The following DIAPH2 variants were observed in gnomAD, a reference collection of about 807,000 sequenced individuals.
DIAPH2 encodes the protein diaphanous related formin 2, also known as protein diaphanous homolog 2.
A neutral mutation model predicts 92.7 loss-of-function variants in DIAPH2; 35 were observed. The ratio of observed to expected loss-of-function variants is 0.38; its 90% CI spans 0.29 to 0.50. The LOEUF (loss-of-function observed/expected upper bound fraction) is 0.50. DIAPH2 is among the 20% of genes least tolerant of loss of function. The pLI, the probability that DIAPH2 is intolerant of heterozygous loss-of-function variation, is 0.94. For synonymous variants in DIAPH2, 301 were observed against 280.4 expected (o/e 1.07, Z -0.73); for missense variants, 701 against 819.5 (o/e 0.86, Z 1.77).
chrX:97,386,380 C>T (rs1053574586), intron 25 of DIAPH2, among the ~76,000 whole-genome samples: 5 of 111,644 alleles, frequency 4.5e-5, no homozygotes, highest in Non-Finnish European at 9.4e-5. Flanking sequence ...TAGAAAAGTT[C>T]TGAAAGTGGC....
chrX:97,591,678 A>G (rs1251593096), intron 26 of DIAPH2, among the ~76,000 whole-genome samples: 3 of 112,317 alleles, frequency 2.7e-5, no homozygotes, highest in East Asian at 5.6e-4. Flanking sequence ...TATGTTTCAC[A>G]TATATAACTT....
intron 22 of DIAPH2, among the ~76,000 whole-genome samples, chrX:97,243,379 G>A (rs1418050508): frequency 1.8e-5 from 2 of 109,976 alleles, no homozygotes; most frequent in Non-Finnish European, 3.8e-5. Flanking sequence ...CTTAGGCTAT[G>A]TTTTGCAGGG....
At chrX:97,302,211 C>CAAAA (rs35039257) in intron 23 of DIAPH2, among the ~76,000 whole-genome samples, 10 of 26,687 alleles carry the variant, frequency 3.7e-4, no homozygotes, top group Non-Finnish European at 4.5e-4. Context: ...GACTCCATCT[C>CAAAA]AAAAAAAAAA....
At chrX:97,071,846 T>G (rs2066671480) in intron 17 of DIAPH2, among the ~76,000 whole-genome samples, 1 of 111,721 alleles carries the variant, frequency 9.0e-6, no homozygotes. Flanking sequence ...TGAATTAAAA[T>G]AATATCATTA....
At chrX:97,496,709 G>C (rs1156429817) in intron 26 of DIAPH2, among the ~76,000 whole-genome samples, 5 of 98,407 alleles carry the variant, frequency 5.1e-5, no homozygotes, top group African/African-American at 1.9e-4. Context: ...ACCAAGGGGG[G>C]AGTGCCATAG....
At chrX:97,209,723 G>C (rs2067824872) in intron 22 of DIAPH2, among the ~76,000 whole-genome samples, 1 of 110,306 alleles carries the variant, frequency 9.1e-6, no homozygotes. Flanking sequence ...AAATAGTAAG[G>C]TACTTATTCT....
chrX:96,954,965 G>A (rs2065800861), intron 15 of DIAPH2, among the ~76,000 whole-genome samples: 1 of 112,262 alleles, frequency 8.9e-6, no homozygotes, highest in East Asian at 2.8e-4. Flanking sequence ...AATCTAACTG[G>A]CCCAAGCCAT....
chrX:97,073,034 A>C lies in DIAPH2; in HGVS notation c.2144A>C (p.Gln715Pro), dbSNP rs746298247. Reference sequence around the variant, plus strand: ...AGAATTTTGGATCCCAAAACAGCTCAGAATCTGTGTATGTAATATTTTCTT... The same window carrying C: ...AGAATTTTGGATCCCAAAACAGCTCCGAATCTGTGTATGTAATATTTTCTT... ...ELRILDPKTA[Q>P]NLSIFLGSYR... The change falls in exon 18 of 27, where the codon CAG becomes CCG. Residue 715 changes from glutamine to proline, a missense_variant. By Grantham distance (76) the Gln-to-Pro change is moderately conservative. Transcript: ENST00000324765. 8.5e-7 allele frequency: 1 copy of C among 1,178,885 alleles called. No individual in the cohort carries two copies. Among genetic ancestry groups the C allele is most frequent in the Admixed American group, 2.3e-5 (1 of 43,743 alleles).
intron 16 of DIAPH2, among the ~76,000 whole-genome samples, chrX:96,959,384 G>A (rs1253938998): frequency 9.0e-6 from 1 of 111,566 alleles, no homozygotes; most frequent in African/African-American, 3.3e-5. Flanking sequence ...GATTAATGAT[G>A]TTGAGCACAT....
chrX:97,018,154 A>G (rs780662334), intron 17 of DIAPH2, among the ~76,000 whole-genome samples: 35 of 112,295 alleles, frequency 3.1e-4, no homozygotes, highest in African/African-American at 1.1e-3. Context: ...CCAACATCAT[A>G]TGCTCATATA....
At chrX:96,770,255 A>G (rs925380512) in intron 4 of DIAPH2, among the ~76,000 whole-genome samples, 7 of 111,276 alleles carry the variant, frequency 6.3e-5, no homozygotes, top group Non-Finnish European at 1.3e-4. Context: ...ATTTAGTGTT[A>G]TCTATGTATT....
rs994318977 is a variant in DIAPH2, at chrX:97,600,226, C to G, written c.*909C>G. ...ATGCTCTGTGGTTTATTTCTTTTTTCTATTGCTTCTTTCTCCCTTGAGTCC... is the reference window on the plus strand; with the variant it reads ...ATGCTCTGTGGTTTATTTCTTTTTTGTATTGCTTCTTTCTCCCTTGAGTCC... On this transcript the variant is annotated 3_prime_UTR_variant, in exon 27 of 27. Coordinates refer to ENST00000324765, the MANE Select transcript of DIAPH2 (RefSeq NM_006729.5). 2.7e-5 allele frequency: 3 copies of G among 111,421 alleles called. No homozygotes were observed. Among genetic ancestry groups the G allele is most frequent in the African/African-American group, 9.8e-5 (3 of 30,700 alleles). The allele number at this position is 111,421 out of a possible 1,213,427, so 9.2% of individuals were successfully genotyped here. A position where few individuals can be genotyped will look rare whatever the true frequency, so the allele number is the denominator to read the frequency against.
chrX:97,038,721 C>T (rs1335230948), intron 17 of DIAPH2, among the ~76,000 whole-genome samples: 1 of 109,725 alleles, frequency 9.1e-6, no homozygotes, highest in Non-Finnish European at 1.9e-5. Flanking sequence ...TGATGCTGAG[C>T]ATTTCTTCAT....
chrX:97,271,905 A>G (rs2068390925), intron 23 of DIAPH2, among the ~76,000 whole-genome samples: 1 of 110,645 alleles, frequency 9.0e-6, no homozygotes, highest in Non-Finnish European at 1.9e-5. Context: ...TTATATATCT[A>G]TGGAAAATAT....
chrX:96,836,855 G>A (rs1267865684), intron 4 of DIAPH2, among the ~76,000 whole-genome samples: 9 of 95,536 alleles, frequency 9.4e-5, no homozygotes, highest in African/African-American at 2.7e-4. Flanking sequence ...AGCCTCCCGA[G>A]TAGCTGGGAC....
intron 17 of DIAPH2, among the ~76,000 whole-genome samples, chrX:96,998,614 A>G (rs963981430): frequency 5.4e-5 from 6 of 111,946 alleles, no homozygotes; most frequent in African/African-American, 1.9e-4. Context: ...GCCCTTTACT[A>G]TAGAATATAT....
At chrX:97,598,232 A>ATTAAC (rs1333255728) in intron 26 of DIAPH2, among the ~76,000 whole-genome samples, 1 of 112,137 alleles carries the variant, frequency 8.9e-6, no homozygotes, top group Non-Finnish European at 1.9e-5. Flanking sequence ...ACATTTAGGC[A>ATTAAC]TTAACTTTGC....
intron 23 of DIAPH2, among the ~76,000 whole-genome samples, chrX:97,301,165 A>G (rs1219289144): frequency 2.8e-5 from 3 of 105,926 alleles, no homozygotes; most frequent in Non-Finnish European, 3.9e-5. Context: ...AAAAAAAAAA[A>G]AAAAAAGAAA....
chrX:97,286,338 C>T (rs2068542853), intron 23 of DIAPH2, among the ~76,000 whole-genome samples: 1 of 110,616 alleles, frequency 9.0e-6, no homozygotes, highest in African/African-American at 3.3e-5. Flanking sequence ...CATGAGCCAC[C>T]GCGCCTGGCC....
Sources: allele counts gnomAD v4.1 joint callset (sites outside exome capture counted in the v4.1 genomes callset), GRCh38; gene constraint gnomAD v4.1.1; transcripts MANE v1.5; gene names NCBI Gene and HGNC (gene_info 2026-07-23, HGNC 2026-07-21).